EIF4H: variants seen among roughly 807,000 people sequenced by gnomAD.
EIF4H encodes the protein eukaryotic translation initiation factor 4H.
A neutral mutation model predicts 30.6 loss-of-function variants in EIF4H; 8 were observed. That is an observed-to-expected ratio of 0.26 (90% CI 0.15 to 0.47). EIF4H has a LOEUF of 0.47. EIF4H is among the 20% of genes least tolerant of loss of function. The pLI is 0.99. For missense variants in EIF4H, 188 were observed against 339.5 expected, an observed-to-expected ratio of 0.55 and a Z score of 3.51; for synonymous variants, 106 against 122.7, an observed-to-expected ratio of 0.86 and a Z score of 0.90.
At position 74,195,239 on chromosome 7, in the gene EIF4H, C is replaced by G; in HGVS notation, c.678C>G (p.Ala226=). 1.2e-6 allele frequency: 2 copies of G among 1,613,938 alleles called. No homozygotes were observed. Among genetic ancestry groups the G allele is most frequent in the Non-Finnish European group, 1.7e-6 (2 of 1,179,866 alleles). The change falls in exon 7 of 7, where the codon GCC becomes GCG. Residue 226 remains alanine (A), a synonymous_variant. Coordinates refer to ENST00000265753, the MANE Select transcript of EIF4H (RefSeq NM_022170.2). ...RTVATPLNQV[A]NPNSAIFGGA... is the part of the protein sequence containing the mutation. ...TCGCGACGCCCCTCAATCAAGTAGC[C>G]AATCCCAACTCTGCTATCTTCGGGG...
chr7:74,191,295 G>C (rs782367690), intron 5 of EIF4H: 1 of 532,638 alleles, frequency 1.9e-6, no homozygotes, highest in South Asian at 1.4e-5. Flanking sequence ...ACATGCAGCA[G>C]CTGTCTTCTT....
intron 1 of EIF4H, among the ~76,000 whole-genome samples, chr7:74,179,049 G>A (rs1209627485): frequency 6.6e-6 from 1 of 151,994 alleles, no homozygotes; most frequent in Non-Finnish European, 1.5e-5. Flanking sequence ...GGAGCCTTCT[G>A]TGTACTCACA....
At chr7:74,185,567 C>CTT (rs1309793853) in intron 1 of EIF4H, among the ~76,000 whole-genome samples, 1 of 145,722 alleles carries the variant, frequency 6.9e-6, no homozygotes, top group African/African-American at 2.5e-5. Context: ...AACTTAAAAG[C>CTT]TTTTTTTTTT....
chr7:74,189,749 C>T lies in EIF4H; in HGVS notation c.312+12C>T, dbSNP rs1554709616. On this transcript the variant is annotated intron_variant, in intron 3 of 6. Transcript: ENST00000265753. Reference sequence around the variant, plus strand: ...CATACGATGGTGCAGTAAGTATCCTCGGGTTTTCTCTGTCATAGCAGTTGA... The same window carrying T: ...CATACGATGGTGCAGTAAGTATCCTTGGGTTTTCTCTGTCATAGCAGTTGA... 3.7e-6 allele frequency: 6 copies of T among 1,614,080 alleles called. No homozygotes were observed. Among genetic ancestry groups the T allele is most frequent in the Non-Finnish European group, 5.1e-6 (6 of 1,180,034 alleles).
chr7:74,189,532 C>G, intron 2 of EIF4H, 141 bp from the exon 3 acceptor site: 1 of 834,466 alleles, frequency 1.2e-6, no homozygotes, highest in Non-Finnish European at 1.9e-6. Context: ...AGGGTTCTAT[C>G]TATTGAAAGG....
chr7:74,183,095 C>A (rs1801000580), intron 1 of EIF4H, among the ~76,000 whole-genome samples: 1 of 152,196 alleles, frequency 6.6e-6, no homozygotes, highest in Non-Finnish European at 1.5e-5. Context: ...CATAGACATG[C>A]AGATACGTGG....
At position 74,196,338 on chromosome 7, in the gene EIF4H, C is replaced by T. The variant is rs1181336264; in HGVS notation, c.*1030C>T. ...TCCCACCTCCCCTTCAGTTCAGAGC[C>T]AAAATGGGTCTAGAATCTGGCACTT... On this transcript the variant is annotated 3_prime_UTR_variant, in exon 7 of 7. Transcript: ENST00000265753. 2 of 152,590 alleles carry T rather than the reference C, an allele frequency of 1.3e-5. No individual in the cohort carries two copies. Among genetic ancestry groups the T allele is most frequent in the East Asian group, 3.8e-4 (2 of 5,200 alleles). The allele number at this position is 152,590 out of a possible 1,614,324, so 9.5% of individuals were successfully genotyped here.
chr7:74,186,241 T>G (rs1801078105), intron 1 of EIF4H, among the ~76,000 whole-genome samples: 1 of 150,206 alleles, frequency 6.7e-6, no homozygotes, highest in African/African-American at 2.5e-5. Flanking sequence ...TTTTTTTTTT[T>G]GAGATGGACT....
intron 1 of EIF4H, among the ~76,000 whole-genome samples, chr7:74,178,912 T>C (rs1439949042): frequency 2.0e-5 from 3 of 152,230 alleles, no homozygotes; most frequent in Non-Finnish European, 4.4e-5. Flanking sequence ...GGAGCTCAAG[T>C]ATGTGGCTGC....
At chr7:74,191,054 T>C in intron 5 of EIF4H, 1 of 406,972 alleles carries the variant, frequency 2.5e-6, no homozygotes, top group South Asian at 1.8e-5. Flanking sequence ...CCTCCCCCCA[T>C]CAAAACAAAA....
chr7:74,195,331 G>A lies in EIF4H; in HGVS notation c.*23G>A. Reference sequence around the variant, plus strand: ...TGAGCCTGCGGTTGGGAGGGAATGGGGCGTGGGGGGTTAGAGCAGGACCAC... The same window carrying A: ...TGAGCCTGCGGTTGGGAGGGAATGGAGCGTGGGGGGTTAGAGCAGGACCAC... On this transcript the variant is annotated 3_prime_UTR_variant, in exon 7 of 7. Transcript: ENST00000265753. 1 of 1,609,208 alleles carries A rather than the reference G, an allele frequency of 6.2e-7. No homozygotes were observed. The highest frequency in any genetic ancestry group is 1.3e-5 in the African/African-American group (1 of 74,954).
At chr7:74,188,866 C>T (rs1391466261) in intron 2 of EIF4H, among the ~76,000 whole-genome samples, 5 of 152,064 alleles carry the variant, frequency 3.3e-5, no homozygotes, top group Non-Finnish European at 7.4e-5. Flanking sequence ...GGGAGGAAAC[C>T]TGGGGGGACA....
chr7:74,179,290 T>C (rs565415163), intron 1 of EIF4H, among the ~76,000 whole-genome samples: 11 of 152,336 alleles, frequency 7.2e-5, no homozygotes, highest in Non-Finnish European at 1.5e-4. Context: ...TTAGTTGCAA[T>C]GTGAAACCTA....
chr7:74,190,175 A>G (rs1028680528), intron 4 of EIF4H, 72 bp from the exon 5 acceptor site: 6 of 1,500,098 alleles, frequency 4.0e-6, no homozygotes, highest in East Asian at 2.3e-5. Flanking sequence ...ATGTCTTCCA[A>G]ATGAATTTTT....
intron 5 of EIF4H, among the ~76,000 whole-genome samples, chr7:74,194,000 C>G (rs1386130463): frequency 1.3e-5 from 2 of 152,218 alleles, no homozygotes; most frequent in African/African-American, 2.4e-5. Context: ...AATACTCTTT[C>G]CTCCTACACA....
chr7:74,190,922 A>G (rs557978994), intron 5 of EIF4H, among the ~76,000 whole-genome samples: 1 of 152,242 alleles, frequency 6.6e-6, no homozygotes, highest in Admixed American at 6.5e-5. Flanking sequence ...AATTTTTTAT[A>G]TATGCACATG....
rs1801338836 is a variant in EIF4H at position 74,195,848 on chromosome 7, G to C, written c.*540G>C. 6.5e-6 allele frequency: 1 copy of C among 154,586 alleles called. No homozygotes were observed. The highest frequency in any genetic ancestry group is 6.6e-5 in the Admixed American group (1 of 15,266). 9.6% of individuals were successfully genotyped at this position (154,586 alleles called of 1,614,324 possible). A position where few individuals can be genotyped will look rare whatever the true frequency, so the allele number is the denominator to read the frequency against. ...GGTATTCAGCTGTGATGGATATAGA[G>C]AATCAGAGGCACCTTGTTTTCACAA... is the stretch of plus-strand genomic sequence containing the variant. On this transcript the variant is annotated 3_prime_UTR_variant, in exon 7 of 7. Coordinates refer to ENST00000265753, the MANE Select transcript of EIF4H (RefSeq NM_022170.2).
intron 1 of EIF4H, among the ~76,000 whole-genome samples, chr7:74,174,888 C>A (rs1238961889): frequency 6.6e-6 from 1 of 152,250 alleles, no homozygotes; most frequent in Non-Finnish European, 1.5e-5. Context: ...GCCCCTGGCC[C>A]CTTCGCCACG....
At chr7:74,177,560 T>C (rs1800869644) in intron 1 of EIF4H, among the ~76,000 whole-genome samples, 2 of 152,214 alleles carry the variant, frequency 1.3e-5, no homozygotes, top group African/African-American at 4.8e-5. Flanking sequence ...TCTCTGAGCA[T>C]ATTTTAAGAT....
Sources: allele counts gnomAD v4.1 joint callset (sites outside exome capture counted in the v4.1 genomes callset), GRCh38; gene constraint gnomAD v4.1.1; transcripts MANE v1.5; gene names NCBI Gene and HGNC (gene_info 2026-07-23, HGNC 2026-07-21).